Variants in PARP8 observed in about 807,000 individuals in gnomAD.
The protein encoded by PARP8 is poly(ADP-ribose) polymerase family member 8.
PARP8 carries 51 observed loss-of-function variants against 124.1 expected under a neutral mutation model. That is an observed-to-expected ratio of 0.41 (90% CI 0.33 to 0.52). The LOEUF (loss-of-function observed/expected upper bound fraction) is 0.52. Ranked by LOEUF, PARP8 falls within the 20% of genes least tolerant of loss-of-function variation. The pLI, the probability that PARP8 is intolerant of heterozygous loss-of-function variation, is 0.21. For missense variants in PARP8, 860 were observed against 1,018.9 expected, an observed-to-expected ratio of 0.84 and a Z score of 2.12; for synonymous variants, 391 against 361.5, an observed-to-expected ratio of 1.08 and a Z score of -0.93.
chr5:50,755,680 A>G (rs942168606), intron 3 of PARP8, among the ~76,000 whole-genome samples: 1 of 152,080 alleles, frequency 6.6e-6, no homozygotes. Flanking sequence ...TTTTGGTTCC[A>G]TATGAACTTT....
intron 20 of PARP8, 22 bp downstream of exon 20, chr5:50,828,078 T>C (rs374338043): frequency 1.9e-5 from 29 of 1,494,108 alleles, no homozygotes; most frequent in Non-Finnish European, 2.7e-5. Context: ...TTAATGTTAA[T>C]GGGGGTGTGC....
At chr5:50,839,513 T>C (rs1747939580) in intron 25 of PARP8, among the ~76,000 whole-genome samples, 1 of 152,098 alleles carries the variant, frequency 6.6e-6, no homozygotes, top group Non-Finnish European at 1.5e-5. Flanking sequence ...TTTTTCTTGA[T>C]TATTATATAT....
chr5:50,747,551 G>A (rs1014451192), intron 2 of PARP8, among the ~76,000 whole-genome samples: 3 of 151,562 alleles, frequency 2.0e-5, no homozygotes, highest in African/African-American at 7.3e-5. Context: ...ATATTATGAG[G>A]CTTTGTTATT....
chr5:50,759,238 T>TA, intron 3 of PARP8, among the ~76,000 whole-genome samples: 1 of 152,108 alleles, frequency 6.6e-6, no homozygotes. Flanking sequence ...ATTTTTTTTT[T>TA]ATTGCAACAA....
intron 7 of PARP8, among the ~76,000 whole-genome samples, chr5:50,763,497 G>T (rs138883028): frequency 6.6e-6 from 1 of 152,004 alleles, no homozygotes; most frequent in Non-Finnish European, 1.5e-5. Context: ...CTTAAGTAGT[G>T]TCATAATTAA....
intron 11 of PARP8, among the ~76,000 whole-genome samples, chr5:50,794,592 A>G (rs1426695624): frequency 6.6e-6 from 1 of 152,178 alleles, no homozygotes; most frequent in Non-Finnish European, 1.5e-5. Flanking sequence ...TCCTACCAAA[A>G]TTAGTTTCAT....
intron 4 of PARP8, 22 bp downstream of exon 4, chr5:50,759,754 A>T: frequency 1.3e-6 from 2 of 1,535,930 alleles, no homozygotes; most frequent in East Asian, 2.4e-5. Context: ...ATTATTTTTT[A>T]TACTAGGTTA....
At chr5:50,787,001 T>G (rs184516122) in intron 9 of PARP8, among the ~76,000 whole-genome samples, 6 of 152,340 alleles carry the variant, frequency 3.9e-5, no homozygotes, top group Admixed American at 3.9e-4. Flanking sequence ...ACTAGTCTTA[T>G]CTGCCTTTTC....
rs80093653 is a variant in PARP8, at chr5:50,736,903, A to C, written c.147-13248A>C. 6.8e-3 allele frequency among the ~76,000 whole-genome samples: 1,043 copies of C among 152,272 alleles called. 8 individuals are homozygous for C. The highest frequency in any genetic ancestry group is 0.039 in the East Asian group (203 of 5,188). ...GCTTCTTGGAGTTTGCAAATCTAGA[A>C]CCATGATCTGTTGAGCAGCTACTGA... On this transcript the variant is annotated intron_variant, in intron 2 of 25. Coordinates refer to ENST00000281631, the MANE Select transcript of PARP8 (RefSeq NM_024615.4).
chr5:50,671,512 A>T (rs1054517528), intron 2 of PARP8, among the ~76,000 whole-genome samples: 57 of 152,138 alleles, frequency 3.7e-4, no homozygotes, highest in African/African-American at 7.7e-4. Context: ...TGTAAAAAAA[A>T]AAAATAAAAA....
chr5:50,820,647 T>C (rs1352265508), intron 15 of PARP8, among the ~76,000 whole-genome samples: 2 of 152,186 alleles, frequency 1.3e-5, no homozygotes, highest in African/African-American at 4.8e-5. Context: ...CCAAAGTCTT[T>C]TCCTGCACAT....
rs35154231 is a variant in PARP8, at chr5:50,677,314, C to CAA, written c.146+9206_146+9207dup. On this transcript the variant is annotated intron_variant, in intron 2 of 25. Transcript: ENST00000281631. Reference sequence around the variant, plus strand: ...AAATGCATCACAGCTAGATATGCAGCAAAAAAAAAAAAAAAAAAGTTAGTC... The same window carrying CAA: ...AAATGCATCACAGCTAGATATGCAGCAAAAAAAAAAAAAAAAAAAAGTTAGTC... Among the ~76,000 whole-genome samples, 358 of 128,958 alleles carry CAA rather than the reference C, an allele frequency of 2.8e-3. 2 individuals carry two copies. The highest frequency in any genetic ancestry group is 0.01 in the African/African-American group (343 of 34,016). 84.6% of individuals were successfully genotyped at this position (128,958 alleles called of 152,430 possible).
rs1760288611 is a variant in PARP8, at chr5:50,759,219, C to A, written c.185-424C>A. 7.9e-5 allele frequency among the ~76,000 whole-genome samples: 12 copies of A among 152,146 alleles called. 1 individual carries two copies. In the South Asian group the frequency reaches 2.5e-3, roughly 32 times the overall value. On this transcript the variant is annotated intron_variant, in intron 3 of 25. Transcript: ENST00000281631. ...CAGGTGTGAGCCACTGTGCCCGGCC[C>A]ACTAATAAATTTTTTTTTTATTGCA...
intron 12 of PARP8, among the ~76,000 whole-genome samples, chr5:50,796,160 T>C (rs1742526077): frequency 6.6e-6 from 1 of 152,224 alleles, no homozygotes; most frequent in African/African-American, 2.4e-5. Context: ...AAATAGTTGA[T>C]GAAAAGTTTT....
In PARP8 at chr5:50,744,836, C is replaced by T. The variant is rs77431696; in HGVS notation, c.147-5315C>T. On this transcript the variant is annotated intron_variant, in intron 2 of 25. Coordinates refer to ENST00000281631, the MANE Select transcript of PARP8 (RefSeq NM_024615.4). ...AGATTTTGCTTTCTTCTCATGTCCA[C>T]CTTCTTTCACTTTCACTTATGCTTC... The T allele has an allele frequency of 1.3e-3, 862 of 684,892 alleles. 3 individuals carry two copies. The highest frequency in any genetic ancestry group is 0.012 in the African/African-American group (678 of 55,772). The allele number at this position is 684,892 out of a possible 1,614,324, so 42.4% of individuals were successfully genotyped here. A position where few individuals can be genotyped will look rare whatever the true frequency, so the allele number is the denominator to read the frequency against.
intron 3 of PARP8, among the ~76,000 whole-genome samples, chr5:50,752,052 A>G (rs1759317998): frequency 6.6e-6 from 1 of 152,006 alleles, no homozygotes; most frequent in South Asian, 2.1e-4. Flanking sequence ...CCTTTTTTCA[A>G]AATTAGTGAG....
intron 2 of PARP8, among the ~76,000 whole-genome samples, chr5:50,718,823 T>A (rs1377292991): frequency 2.6e-5 from 4 of 152,018 alleles, no homozygotes; most frequent in Non-Finnish European, 5.9e-5. Flanking sequence ...TTCTTTCTTT[T>A]GAGTATATAC....
intron 7 of PARP8, among the ~76,000 whole-genome samples, chr5:50,769,979 T>A (rs1720045989): frequency 6.6e-6 from 1 of 152,112 alleles, no homozygotes; most frequent in Non-Finnish European, 1.5e-5. Flanking sequence ...AATTTAGAGT[T>A]GATATATAAG....
chr5:50,768,825 T>G (rs75647415), intron 7 of PARP8, among the ~76,000 whole-genome samples: 6,045 of 152,246 alleles, frequency 0.04, 219 homozygotes, highest in Non-Finnish European at 0.066. Flanking sequence ...CTTTGTAATC[T>G]CTCAGTGGGA....
Sources: gnomAD v4.1 joint callset for allele counts (sites outside exome capture counted in the v4.1 genomes callset) on GRCh38, gnomAD v4.1.1 for gene constraint, MANE v1.5 for transcripts, NCBI Gene and HGNC (gene_info 2026-07-23, HGNC 2026-07-21) for gene names.